TMEM232: variants seen among roughly 807,000 people sequenced by gnomAD.
The protein encoded by TMEM232 is transmembrane protein 232.
Under a neutral mutation model 78.8 loss-of-function variants are expected in TMEM232, and 80 were observed. The ratio of observed to expected loss-of-function variants is 1.01; its 90% CI spans 0.85 to 1.22. The LOEUF (loss-of-function observed/expected upper bound fraction) is 1.22, where lower values mean the gene tolerates loss of function less well. Ranked by LOEUF, TMEM232 falls within the 50% of genes most tolerant of loss-of-function variation. TMEM232 has a pLI of 0.00. For missense variants in TMEM232, 881 were observed against 742.2 expected (o/e 1.19, Z -2.17); for synonymous variants, 297 against 254.3 (o/e 1.17, Z -1.60).
upstream of TMEM232, among the ~76,000 whole-genome samples, chr5:110,728,158 C>T (rs1798337209): frequency 6.6e-6 from 1 of 151,662 alleles, no homozygotes; most frequent in African/African-American, 2.4e-5. Context: ...AAAAAGTCAC[C>T]CCATCGATTC....
intron 11 of TMEM232, among the ~76,000 whole-genome samples, chr5:110,539,601 T>C (rs2149573416): frequency 6.6e-6 from 1 of 152,304 alleles, no homozygotes; most frequent in South Asian, 2.1e-4. Context: ...ACTTGGACAG[T>C]GCTCCCTCAA....
At chr5:110,576,817 T>C (rs1393626291) in intron 10 of TMEM232, among the ~76,000 whole-genome samples, 2 of 151,998 alleles carry the variant, frequency 1.3e-5, no homozygotes, top group Non-Finnish European at 2.9e-5. Flanking sequence ...GGTGCTGAGA[T>C]AACTGGCTAG....
chr5:110,601,576 T>A (rs1479723905), intron 10 of TMEM232, among the ~76,000 whole-genome samples: 1 of 151,994 alleles, frequency 6.6e-6, no homozygotes, highest in African/African-American at 2.4e-5. Flanking sequence ...TACCTAGGAA[T>A]CAAACTTAAA....
At chr5:110,460,956 T>C (rs1761458637) in intron 12 of TMEM232, among the ~76,000 whole-genome samples, 1 of 152,110 alleles carries the variant, frequency 6.6e-6, no homozygotes, top group Admixed American at 6.6e-5. Context: ...TGACCAGTTT[T>C]TCCCCCATCT....
intron 10 of TMEM232, among the ~76,000 whole-genome samples, chr5:110,589,002 C>G (rs1042844200): frequency 6.6e-6 from 1 of 152,070 alleles, no homozygotes; most frequent in African/African-American, 2.4e-5. Context: ...CCAGATAATG[C>G]AGGCTTTTAA....
intron 11 of TMEM232, among the ~76,000 whole-genome samples, chr5:110,545,777 C>T (rs1385063226): frequency 6.6e-6 from 1 of 152,094 alleles, no homozygotes; most frequent in Non-Finnish European, 1.5e-5. Flanking sequence ...AATAAATTCA[C>T]ATATTCATTT....
intron 2 of TMEM232, among the ~76,000 whole-genome samples, chr5:110,651,555 T>A (rs542656828): frequency 1.1e-4 from 16 of 152,102 alleles, no homozygotes; most frequent in African/African-American, 3.9e-4. Context: ...CTCAGGGTAT[T>A]TAAACCATGG....
intron 2 of TMEM232, among the ~76,000 whole-genome samples, chr5:110,404,787 C>T (rs1010159274): frequency 6.6e-6 from 1 of 151,982 alleles, no homozygotes; most frequent in Admixed American, 6.6e-5. Context: ...AGTTAGAGTA[C>T]CATGGCAACT....
intron 1 of TMEM232, among the ~76,000 whole-genome samples, chr5:110,672,534 G>A (rs184534572): frequency 6.6e-6 from 1 of 151,908 alleles, no homozygotes; most frequent in African/African-American, 2.4e-5. Flanking sequence ...TAAGAGTAAT[G>A]GGAAAAAATA....
At chr5:110,663,260 CTA>C (rs1269597924) in intron 2 of TMEM232, among the ~76,000 whole-genome samples, 4 of 151,864 alleles carry the variant, frequency 2.6e-5, no homozygotes, top group African/African-American at 9.7e-5. Flanking sequence ...AACATAGTAA[CTA>C]TAACAATTTT....
intron 3 of TMEM232, among the ~76,000 whole-genome samples, chr5:110,392,914 CT>C (rs1294678247): frequency 5.3e-5 from 8 of 152,150 alleles, no homozygotes; most frequent in African/African-American, 1.9e-4. Context: ...CATTTTCTTT[CT>C]GACAATAATA....
upstream of TMEM232, among the ~76,000 whole-genome samples, chr5:110,727,834 A>G (rs183065561): frequency 2.2e-4 from 34 of 152,332 alleles, no homozygotes; most frequent in Admixed American, 1.8e-3. Flanking sequence ...TAAAGGTAAT[A>G]ATGAAAAGTG....
At chr5:110,463,219 C>A (rs184720238) in intron 12 of TMEM232, among the ~76,000 whole-genome samples, 36 of 152,278 alleles carry the variant, frequency 2.4e-4, no homozygotes, top group Admixed American at 1.1e-3. Context: ...CAGTCAGCAG[C>A]CATCAACATC....
intron 12 of TMEM232, among the ~76,000 whole-genome samples, chr5:110,499,181 A>C (rs1179149592): frequency 6.6e-6 from 1 of 152,190 alleles, no homozygotes; most frequent in Non-Finnish European, 1.5e-5. Context: ...AACACATAGG[A>C]AAAAAGCAGA....
At chr5:110,585,954 C>T (rs1778769805) in intron 10 of TMEM232, among the ~76,000 whole-genome samples, 1 of 152,118 alleles carries the variant, frequency 6.6e-6, no homozygotes, top group South Asian at 2.1e-4. Flanking sequence ...CATTTTCTCA[C>T]AGAAGTTTGC....
chr5:110,608,170 C>G (rs896980724), intron 8 of TMEM232, among the ~76,000 whole-genome samples: 1 of 151,840 alleles, frequency 6.6e-6, no homozygotes, highest in African/African-American at 2.4e-5. Context: ...TTTATGTACC[C>G]TACCTCAGTC....
downstream of TMEM232, chr5:110,418,216 T>C (rs1756335871): frequency 2.0e-5 from 3 of 152,176 alleles, no homozygotes; most frequent in Non-Finnish European, 2.9e-5. Flanking sequence ...TTCTCTCTGT[T>C]AAAATGACTG....
At chr5:110,511,973 T>C (rs1055147632) in intron 12 of TMEM232, among the ~76,000 whole-genome samples, 1 of 152,142 alleles carries the variant, frequency 6.6e-6, no homozygotes, top group African/African-American at 2.4e-5. Context: ...CCCTTCTGTT[T>C]GGCATATAGC....
upstream of TMEM232, chr5:110,738,294 G>A: frequency 1.6e-6 from 2 of 1,261,022 alleles, no homozygotes; most frequent in Non-Finnish European, 2.1e-6. Context: ...TTCAATTAGA[G>A]GTCCCAATTT....
Sources: gnomAD v4.1 joint callset for allele counts (sites outside exome capture counted in the v4.1 genomes callset) on GRCh38, gnomAD v4.1.1 for gene constraint, MANE v1.5 for transcripts, NCBI Gene and HGNC (gene_info 2026-07-23, HGNC 2026-07-21) for gene names.